Variants in ROR1 observed in about 807,000 individuals in gnomAD.
ROR1 encodes ROR family WNT receptor 1.
Under a neutral mutation model 78.8 loss-of-function variants are expected in ROR1, and 19 were observed. That is an observed-to-expected ratio of 0.24 (90% CI 0.17 to 0.35). The LOEUF (loss-of-function observed/expected upper bound fraction) is 0.35. ROR1 is among the 10% of genes least tolerant of loss of function. ROR1 has a pLI of 1.00. For synonymous variants in ROR1, 386 were observed against 433.6 expected, an observed-to-expected ratio of 0.89 and a Z score of 1.36; for missense variants, 917 against 1,177.8, an observed-to-expected ratio of 0.78 and a Z score of 3.24.
intron 1 of ROR1, among the ~76,000 whole-genome samples, chr1:63,932,635 A>C (rs1317008405): frequency 6.6e-6 from 1 of 152,166 alleles, no homozygotes; most frequent in African/African-American, 2.4e-5. Flanking sequence ...CCTGATTCTC[A>C]GATGTCCTCA....
intron 2 of ROR1, among the ~76,000 whole-genome samples, chr1:64,043,165 C>T (rs1324083049): frequency 6.6e-6 from 1 of 152,212 alleles, no homozygotes; most frequent in Non-Finnish European, 1.5e-5. Flanking sequence ...CCCCACCTTC[C>T]TCCCTGAGGA....
chr1:63,792,924 A>C (rs1025283856), intron 1 of ROR1, among the ~76,000 whole-genome samples: 1 of 152,246 alleles, frequency 6.6e-6, no homozygotes, highest in Non-Finnish European at 1.5e-5. Flanking sequence ...GGATTCTCAC[A>C]TTTCTAAAGG....
intron 1 of ROR1, among the ~76,000 whole-genome samples, chr1:63,907,128 C>T (rs1279604655): frequency 6.6e-6 from 1 of 152,166 alleles, no homozygotes; most frequent in African/African-American, 2.4e-5. Context: ...GCTTTCGCCC[C>T]CAGATACTTT....
At chr1:64,044,961 C>T (rs979857067) in intron 2 of ROR1, among the ~76,000 whole-genome samples, 4 of 152,044 alleles carry the variant, frequency 2.6e-5, no homozygotes, top group Admixed American at 6.6e-5. Context: ...TGAAAACGAA[C>T]GTAACTCAGT....
intron 8 of ROR1, among the ~76,000 whole-genome samples, chr1:64,161,397 A>T (rs544119697): frequency 2.0e-5 from 3 of 152,342 alleles, no homozygotes; most frequent in Non-Finnish European, 4.4e-5. Context: ...AGGGTTAGGC[A>T]AGCAACTGAG....
intron 1 of ROR1, among the ~76,000 whole-genome samples, chr1:63,962,454 A>G (rs185611136): frequency 2.0e-5 from 3 of 152,328 alleles, no homozygotes; most frequent in Admixed American, 2.0e-4. Flanking sequence ...GTTCACTGCA[A>G]TCTGGAGATG....
chr1:63,966,576 T>C (rs1377019289), intron 1 of ROR1, among the ~76,000 whole-genome samples: 2 of 152,236 alleles, frequency 1.3e-5, no homozygotes, highest in African/African-American at 2.4e-5. Flanking sequence ...GGGTCTCTTA[T>C]GGAATTATGC....
rs1644634212 is a variant in ROR1 at position 63,778,957 on chromosome 1, G to C, written c.91+4449G>C. On this transcript the variant is annotated intron_variant, in intron 1 of 8. Coordinates refer to ENST00000371079, the MANE Select transcript of ROR1 (RefSeq NM_005012.4). The stretch of plus-strand genomic sequence containing the variant: ...TGGAACAAAGGTGGTATTTCCCAAG[G>C]TTTTCCAACAGCAGCAAAGGGAAGC... Among the ~76,000 whole-genome samples the C allele has an allele frequency of 2.0e-5, 3 of 152,174 alleles. No individual in the cohort carries two copies. The South Asian group carries it at 6.2e-4, about 31-fold the overall frequency.
At chr1:63,868,644 C>A (rs1017573250) in intron 1 of ROR1, among the ~76,000 whole-genome samples, 2 of 152,208 alleles carry the variant, frequency 1.3e-5, no homozygotes, top group African/African-American at 4.8e-5. Flanking sequence ...TGACAAATGG[C>A]TGCTCTTATT....
At chr1:63,827,596 C>T (rs1054751435) in intron 1 of ROR1, among the ~76,000 whole-genome samples, 4 of 152,286 alleles carry the variant, frequency 2.6e-5, no homozygotes, top group East Asian at 1.9e-4. Context: ...GTTGATGACA[C>T]ACAATTTGGA....
chr1:64,054,714 A>G (rs764005648), intron 4 of ROR1, among the ~76,000 whole-genome samples: 2 of 152,220 alleles, frequency 1.3e-5, no homozygotes, highest in African/African-American at 4.8e-5. Context: ...TAAGAATAAT[A>G]TGACTTGTTT....
chr1:64,117,609 G>A (rs760204855), intron 4 of ROR1, among the ~76,000 whole-genome samples: 15 of 152,160 alleles, frequency 9.9e-5, no homozygotes, highest in Non-Finnish European at 1.8e-4. Context: ...GCTCACAAAA[G>A]CATTTTCACA....
intron 2 of ROR1, among the ~76,000 whole-genome samples, chr1:64,015,828 C>G (rs561783865): frequency 6.6e-6 from 1 of 152,134 alleles, no homozygotes; most frequent in East Asian, 1.9e-4. Context: ...GCACCATTTT[C>G]TTTAAAGGTT....
chr1:64,018,022 C>G (rs1646535103), intron 2 of ROR1, among the ~76,000 whole-genome samples: 1 of 151,366 alleles, frequency 6.6e-6, no homozygotes, highest in African/African-American at 2.4e-5. Flanking sequence ...GCCTGTGTGT[C>G]TTTTAGTTTG....
intron 1 of ROR1, among the ~76,000 whole-genome samples, chr1:63,915,429 C>T (rs911829859): frequency 1.3e-5 from 2 of 152,134 alleles, no homozygotes; most frequent in East Asian, 1.9e-4. Context: ...TCCTTCCCTG[C>T]ACCTTGAGGA....
intron 1 of ROR1, among the ~76,000 whole-genome samples, chr1:63,859,843 T>C (rs773313558): frequency 5.3e-5 from 8 of 152,218 alleles, no homozygotes; most frequent in Non-Finnish European, 1.0e-4. Context: ...CCTCTTAAAA[T>C]GGGAATAATA....
chr1:64,100,301 G>A (rs1415845597), intron 4 of ROR1, among the ~76,000 whole-genome samples: 2 of 151,886 alleles, frequency 1.3e-5, no homozygotes, highest in African/African-American at 4.8e-5. Context: ...GGGCAACATG[G>A]CAAGACCTCA....
chr1:64,017,595 G>C (rs1166654907), intron 2 of ROR1, among the ~76,000 whole-genome samples: 1 of 152,118 alleles, frequency 6.6e-6, no homozygotes, highest in Non-Finnish European at 1.5e-5. Flanking sequence ...TCCTCACCAT[G>C]TAGGGGTCTT....
At chr1:64,040,877 A>G (rs1437499964) in intron 2 of ROR1, among the ~76,000 whole-genome samples, 1 of 152,354 alleles carries the variant, frequency 6.6e-6, no homozygotes, top group African/African-American at 2.4e-5. Context: ...ATAATCAGCA[A>G]AAGGTCTCTT....
Sources: allele counts gnomAD v4.1 joint callset (sites outside exome capture counted in the v4.1 genomes callset), GRCh38; gene constraint gnomAD v4.1.1; transcripts MANE v1.5; gene names NCBI Gene and HGNC (gene_info 2026-07-23, HGNC 2026-07-21).